PSMG2: variants seen among roughly 807,000 people sequenced by gnomAD.
PSMG2 encodes proteasome assembly chaperone 2.
PSMG2 carries 21 observed loss-of-function variants against 31.5 expected under a neutral mutation model. The observed-to-expected ratio is 0.67, with a 90% confidence interval of 0.47 to 0.96. PSMG2 has a LOEUF of 0.96. Among genes scored for constraint, PSMG2 ranks in the 40% least tolerant of loss-of-function variants. PSMG2 has a pLI of 0.00. For missense variants in PSMG2, 318 were observed against 321.2 expected (o/e 0.99, Z 0.08); for synonymous variants, 120 against 110.4 (o/e 1.09, Z -0.54).
intron 1 of PSMG2, among the ~76,000 whole-genome samples, chr18:12,696,668 T>C (rs1004208354): frequency 7.2e-5 from 11 of 152,144 alleles, no homozygotes; most frequent in Non-Finnish European, 1.3e-4. Context: ...ATGTGTTACA[T>C]AGCGGGCAGT....
intron 1 of PSMG2, among the ~76,000 whole-genome samples, chr18:12,687,739 C>T (rs577867617): frequency 3.8e-4 from 57 of 151,880 alleles, no homozygotes; most frequent in African/African-American, 1.3e-3. Flanking sequence ...AGGTGTGAGC[C>T]ACTGTGCCTG....
In PSMG2 at chr18:12,720,556, C is replaced by A. The variant is rs773997355; in HGVS notation, c.454C>A (p.Gln152Lys). Residue 152 changes from glutamine to lysine, a missense_variant, in exon 5 of 7, where the codon CAA becomes AAA. Physicochemically the swap from Gln to Lys is moderately conservative, Grantham distance 53. Transcript: ENST00000317615. Reference sequence around the variant, plus strand: ...TACACCTTCCATGCAAAAAAGTGTTCAAAATAAAATAAAGAGCCTTAACTG... The same window carrying A: ...TACACCTTCCATGCAAAAAAGTGTTAAAAATAAAATAAAGAGCCTTAACTG... ...LLTPSMQKSV[Q>K]NKIKSLNWEE... 6.2e-7 allele frequency: 1 copy of A among 1,611,994 alleles called. No homozygotes were observed. The highest frequency in any genetic ancestry group is 8.5e-7 in the Non-Finnish European group (1 of 1,179,196).
intron 1 of PSMG2, chr18:12,658,797 C>T (rs1317835637): frequency 3.2e-6 from 1 of 312,924 alleles, no homozygotes; most frequent in African/African-American, 2.2e-5. Flanking sequence ...AGACGGGGAT[C>T]TTTACGGGTT....
chr18:12,720,252 A>G (rs2040418039), intron 4 of PSMG2, among the ~76,000 whole-genome samples: 1 of 152,348 alleles, frequency 6.6e-6, no homozygotes, highest in African/African-American at 2.4e-5. Flanking sequence ...TTCACAAAAG[A>G]CATTACAGGC....
At chr18:12,693,564 C>T (rs1260474061) in intron 1 of PSMG2, among the ~76,000 whole-genome samples, 1 of 152,134 alleles carries the variant, frequency 6.6e-6, no homozygotes, top group Non-Finnish European at 1.5e-5. Context: ...GCAGGCAGAT[C>T]ACGAGGTCAA....
chr18:12,680,727 A>C, intron 1 of PSMG2: 1 of 1,613,944 alleles, frequency 6.2e-7, no homozygotes, highest in Non-Finnish European at 8.5e-7. Flanking sequence ...TAACCCATGC[A>C]TGAGGTACTC....
intron 2 of PSMG2, among the ~76,000 whole-genome samples, chr18:12,712,059 T>C (rs2040337807): frequency 6.6e-6 from 1 of 152,212 alleles, no homozygotes; most frequent in Non-Finnish European, 1.5e-5. Context: ...GCCCAGCTGC[T>C]TCTCATTCTT....
chr18:12,697,863 G>T (rs2040010417), intron 1 of PSMG2, among the ~76,000 whole-genome samples: 1 of 152,036 alleles, frequency 6.6e-6, no homozygotes, highest in Non-Finnish European at 1.5e-5. Context: ...CCTTATTAAG[G>T]TAACATCTTT....
At chr18:12,687,481 A>T (rs2039581388) in intron 1 of PSMG2, among the ~76,000 whole-genome samples, 1 of 145,462 alleles carries the variant, frequency 6.9e-6, no homozygotes, top group Non-Finnish European at 1.5e-5. Context: ...TTTGAGACAG[A>T]GTCTCGCTGT....
intron 1 of PSMG2, among the ~76,000 whole-genome samples, chr18:12,706,265 T>C (rs1479053063): frequency 6.6e-6 from 1 of 152,156 alleles, no homozygotes; most frequent in Non-Finnish European, 1.5e-5. Flanking sequence ...GGTCGGTGGA[T>C]CACCTGAGGT....
chr18:12,705,572 AGAGAGTGT>A (rs1479707425), intron 1 of PSMG2, among the ~76,000 whole-genome samples: 9 of 129,234 alleles, frequency 7.0e-5, no homozygotes, highest in Non-Finnish European at 1.0e-4. Context: ...AGAGAGAGAG[AGAGAGTGT>A]GTGTGTGTGT....
intron 1 of PSMG2, among the ~76,000 whole-genome samples, chr18:12,693,506 T>C (rs2039840749): frequency 6.6e-6 from 1 of 152,116 alleles, no homozygotes; most frequent in African/African-American, 2.4e-5. Context: ...CACATAAATA[T>C]ATGAATAACA....
intron 3 of PSMG2, 102 bp from the exon 4 acceptor site, chr18:12,718,411 TTATA>T: frequency 1.8e-6 from 1 of 543,426 alleles, no homozygotes; most frequent in South Asian, 4.4e-5. Context: ...TATATATAAA[TTATA>T]TATCATTATC....
upstream of PSMG2, among the ~76,000 whole-genome samples, chr18:12,698,459 A>G (rs570189455): frequency 1.8e-3 from 276 of 152,166 alleles, 1 homozygote; most frequent in African/African-American, 6.4e-3. Context: ...ATGAGCCACC[A>G]CACCCAGCCT....
Position 12,669,259 on chromosome 18 carries a change from T to C in PSMG2, c.-37+10486T>C, listed in dbSNP as rs1283722664. ...TCCCGAGTAGCTGGGAATACAGGCA[T>C]GCGCCACCATGCCCAGCTAATTTTG... is the stretch of plus-strand genomic sequence containing the variant. On this transcript the variant is annotated intron_variant, in intron 1 of 6. Transcript: ENST00000585331. 5.3e-5 allele frequency among the ~76,000 whole-genome samples: 8 copies of C among 151,990 alleles called. No individual in the cohort carries two copies. The East Asian group carries it at 1.2e-3, about 22-fold the overall frequency.
upstream of PSMG2, chr18:12,699,176 A>G: frequency 6.2e-7 from 1 of 1,613,742 alleles, no homozygotes; most frequent in Non-Finnish European, 8.5e-7. Flanking sequence ...CTGAAGGTAA[A>G]GATACCTCCG....
In PSMG2 at chr18:12,724,604, G is replaced by T. The variant is rs781425629; in HGVS notation, c.687G>T (p.Gln229His). The T allele has an allele frequency of 3.1e-6, 5 of 1,603,382 alleles. No individual in the cohort carries two copies. Among genetic ancestry groups the T allele is most frequent in the Non-Finnish European group, 4.3e-6 (5 of 1,176,104 alleles). ...TTGAGTATCTTAATGAGTGGCTTCA[G>T]ATACTCAAACCACTTGTAAGTTCTA... ...GLVEYLNEWL[Q>H]ILKPLSDDPT... Residue 229 changes from glutamine (Q) to histidine (H), a missense_variant, in exon 6 of 7, where the codon CAG becomes CAT. By Grantham distance (24) the Gln-to-His change is conservative. Transcript: ENST00000317615.
At chr18:12,701,891 G>A (rs769545827), upstream of PSMG2, among the ~76,000 whole-genome samples, 2 of 152,166 alleles carry the variant, frequency 1.3e-5, no homozygotes, top group Non-Finnish European at 2.9e-5. Flanking sequence ...AGCACTTTAG[G>A]AGGCCGAGGC....
chr18:12,702,922 C>G (rs1295027638), upstream of PSMG2: 6 of 642,880 alleles, frequency 9.3e-6, no homozygotes, highest in East Asian at 3.2e-5. Context: ...TTCGCGGCCA[C>G]CCGGCGGCCT....
Sources: gnomAD v4.1 joint callset for allele counts (sites outside exome capture counted in the v4.1 genomes callset) on GRCh38, gnomAD v4.1.1 for gene constraint, MANE v1.5 for transcripts, NCBI Gene and HGNC (gene_info 2026-07-23, HGNC 2026-07-21) for gene names.